The following MTAP variants were observed in gnomAD, a reference collection of about 807,000 sequenced individuals.
MTAP encodes methylthioadenosine phosphorylase.
MTAP carries 33 observed loss-of-function variants against 33.6 expected under a neutral mutation model. That is an observed-to-expected ratio of 0.98 (90% CI 0.74 to 1.31). The LOEUF (loss-of-function observed/expected upper bound fraction) is 1.31, where lower values mean the gene tolerates loss of function less well. Among genes scored for constraint, MTAP ranks in the 40% most tolerant of loss-of-function variants. The pLI is 0.00. For missense variants in MTAP, 367 were observed against 360.0 expected (o/e 1.02, Z -0.16); for synonymous variants, 148 against 125.7 (o/e 1.18, Z -1.19).
chr9:21,868,792 C>A (rs1385580848), downstream of MTAP, among the ~76,000 whole-genome samples: 1 of 152,136 alleles, frequency 6.6e-6, no homozygotes, highest in Non-Finnish European at 1.5e-5. Context: ...CTCCTGTTAC[C>A]ATCTGTGATA....
chr9:21,925,143 C>T lies in MTAP; in HGVS notation c.148-5865C>T, dbSNP rs117663875. Among the ~76,000 whole-genome samples the T allele has an allele frequency of 7.2e-3, 1,098 of 152,242 alleles. 4 individuals are homozygous for T. The highest frequency in any genetic ancestry group is 0.011 in the Admixed American group (163 of 15,294). ...CAAAGAATTGCATGTTCTTATGTCT[C>T]GTAGAAGGAATGAAAGCTAGAAGAG... is the stretch of plus-strand genomic sequence containing the variant. On this transcript the variant is annotated intron_variant, in intron 1 of 1. Transcript: ENST00000577563.
Position 21,863,952 on chromosome 9 carries a change from A to G in MTAP, c.*1938A>G, listed in dbSNP as rs1381642799. 1 of 985,738 alleles carries G rather than the reference A, an allele frequency of 1.0e-6. No individual in the cohort carries two copies. Among genetic ancestry groups the G allele is most frequent in the African/African-American group, 1.7e-5 (1 of 57,226 alleles). 61.1% of individuals were successfully genotyped at this position (985,738 alleles called of 1,614,324 possible). The stretch of plus-strand genomic sequence containing the variant: ...TATTAAATTTCAACTCTGGTTATCC[A>G]TTAGCAATCTGTAGAGAACTTAATG... On this transcript the variant is annotated 3_prime_UTR_variant, in exon 8 of 8. Coordinates refer to ENST00000644715, the MANE Select transcript of MTAP (RefSeq NM_002451.4).
chr9:21,849,378 C>T (rs551160252), intron 5 of MTAP, among the ~76,000 whole-genome samples: 2 of 152,144 alleles, frequency 1.3e-5, no homozygotes, highest in Non-Finnish European at 2.9e-5. Context: ...TGTGGTCCTC[C>T]AGTTAAAGTA....
chr9:21,810,138 G>A (rs1166178056), intron 1 of MTAP, among the ~76,000 whole-genome samples: 1 of 152,180 alleles, frequency 6.6e-6, no homozygotes, highest in Non-Finnish European at 1.5e-5. Flanking sequence ...TGCAACAGAA[G>A]CATTATCTCC....
At chr9:21,903,692 C>T (rs577007418) in intron 1 of MTAP, among the ~76,000 whole-genome samples, 1 of 152,156 alleles carries the variant, frequency 6.6e-6, no homozygotes, top group Admixed American at 6.5e-5. Context: ...CGAAAAGTTC[C>T]CTTGTCACTC....
chr9:21,892,405 C>T (rs559191643), intron 1 of MTAP: 1 of 151,800 alleles, frequency 6.6e-6, no homozygotes, highest in Non-Finnish European at 1.5e-5. Flanking sequence ...CCCATAGGCT[C>T]AAAATAAAGG....
chr9:21,938,233 C>T (rs1819073368), downstream of MTAP, among the ~76,000 whole-genome samples: 1 of 150,652 alleles, frequency 6.6e-6, no homozygotes, highest in African/African-American at 2.5e-5. Flanking sequence ...AAGATCACAC[C>T]ACTGCACTCC....
At chr9:21,924,157 G>A (rs1053670533) in intron 1 of MTAP, among the ~76,000 whole-genome samples, 1 of 152,166 alleles carries the variant, frequency 6.6e-6, no homozygotes, top group Non-Finnish European at 1.5e-5. Flanking sequence ...GGTTCATTCT[G>A]GAACCCTAAG....
intron 1 of MTAP, among the ~76,000 whole-genome samples, chr9:21,884,560 G>T (rs1038954614): frequency 1.3e-4 from 20 of 152,184 alleles, no homozygotes; most frequent in African/African-American, 4.8e-4. Context: ...TCTAAAGGCT[G>T]GGAAGTGCAA....
At chr9:21,856,172 CA>C (rs1356886207) in intron 6 of MTAP, 4 of 985,246 alleles carry the variant, frequency 4.1e-6, no homozygotes, top group African/African-American at 1.7e-5. Flanking sequence ...AAACTGCAGT[CA>C]CTTTTGAAGT....
At chr9:21,802,896 C>T (rs1298701016) in intron 1 of MTAP, 115 bp downstream of exon 1, 1 of 1,485,830 alleles carries the variant, frequency 6.7e-7, no homozygotes, top group African/African-American at 1.4e-5. Context: ...CCCTTGCCGC[C>T]GCGGGGAGGG....
At position 21,806,616 on chromosome 9, in the gene MTAP, C is replaced by T. The variant is rs905639776; in HGVS notation, c.33+3835C>T. Reference sequence around the variant, plus strand: ...TCACTGCAGTGAGAGATGGTCCAGGCAGGGAGTGAGGATATTACCTGGGGG... The same window carrying T: ...TCACTGCAGTGAGAGATGGTCCAGGTAGGGAGTGAGGATATTACCTGGGGG... On this transcript the variant is annotated intron_variant, in intron 1 of 7. Coordinates refer to ENST00000644715, the MANE Select transcript of MTAP (RefSeq NM_002451.4). Among the ~76,000 whole-genome samples the T allele has an allele frequency of 2.6e-5, 4 of 152,008 alleles. No individual in the cohort carries two copies. In the East Asian group the frequency reaches 7.8e-4, roughly 30 times the overall value.
chr9:21,903,611 C>A (rs910991883), intron 1 of MTAP, among the ~76,000 whole-genome samples: 9 of 152,064 alleles, frequency 5.9e-5, no homozygotes, highest in African/African-American at 2.2e-4. Flanking sequence ...TGGGAGAAGA[C>A]AATCCTTTTC....
chr9:21,901,612 G>A (rs145632230), intron 1 of MTAP, among the ~76,000 whole-genome samples: 1 of 152,258 alleles, frequency 6.6e-6, no homozygotes, highest in African/African-American at 2.4e-5. Context: ...AAGGACTAGG[G>A]AGGATACCTC....
In MTAP at chr9:21,859,378, C is replaced by A. The variant is rs904789768; in HGVS notation, c.766C>A (p.Pro256Thr). ...KAKSLLLTTI[P>T]QIGSTEWSET... ...CAAAAGCTTACTGCTCACTACCATACCTCAGATAGGGTCCACAGAATGGTC... is the reference window on the plus strand; with the variant it reads ...CAAAAGCTTACTGCTCACTACCATAACTCAGATAGGGTCCACAGAATGGTC... Residue 256 changes from proline to threonine, a missense_variant, in exon 7 of 8, where the codon CCT (proline) becomes ACT (threonine). Coordinates refer to ENST00000644715, the MANE Select transcript of MTAP (RefSeq NM_002451.4). The A allele has an allele frequency of 2.5e-6, 4 of 1,613,458 alleles. No individual in the cohort carries two copies. The Admixed American group carries it at 5.0e-5, about 20-fold the overall frequency.
chr9:21,927,937 G>A (rs1479926093), intron 1 of MTAP, among the ~76,000 whole-genome samples: 4 of 152,180 alleles, frequency 2.6e-5, no homozygotes, highest in African/African-American at 9.7e-5. Context: ...CTCAGGAAGT[G>A]GCAGCAGTGC....
intron 1 of MTAP, among the ~76,000 whole-genome samples, chr9:21,805,291 G>A (rs1824181926): frequency 1.3e-5 from 2 of 152,204 alleles, no homozygotes; most frequent in African/African-American, 4.8e-5. Context: ...TTTTGGATTG[G>A]CAGTATATTT....
chr9:21,857,564 T>A (rs1825668802), intron 6 of MTAP, among the ~76,000 whole-genome samples: 1 of 152,236 alleles, frequency 6.6e-6, no homozygotes, highest in African/African-American at 2.4e-5. Context: ...GTTCACTTTC[T>A]TCAACTTTTT....
rs114336582 is a variant in MTAP, at chr9:21,831,071, C to T, written c.348-6837C>T. 4.9e-3 allele frequency among the ~76,000 whole-genome samples: 745 copies of T among 152,272 alleles called. 6 individuals carry two copies. The highest frequency in any genetic ancestry group is 0.017 in the African/African-American group (707 of 41,546). ...TTGTGGTACATGGGCCCTCCATTTT[C>T]TAGCCCAGTTCTTGTTAGATACCTT... On this transcript the variant is annotated intron_variant, in intron 4 of 7. Transcript: ENST00000644715.
Sources: gnomAD v4.1 joint callset for allele counts (sites outside exome capture counted in the v4.1 genomes callset) on GRCh38, gnomAD v4.1.1 for gene constraint, MANE v1.5 for transcripts, NCBI Gene and HGNC (gene_info 2026-07-23, HGNC 2026-07-21) for gene names.